ARHGAP44: variants seen among roughly 807,000 people sequenced by gnomAD.
The protein encoded by ARHGAP44 is Rho GTPase activating protein 44, also known as rho GTPase-activating protein 44.
A neutral mutation model predicts 106.8 loss-of-function variants in ARHGAP44; 43 were observed. That is an observed-to-expected ratio of 0.40 (90% CI 0.32 to 0.52). The LOEUF (loss-of-function observed/expected upper bound fraction) is 0.52, where lower values mean the gene tolerates loss of function less well. Among genes scored for constraint, ARHGAP44 ranks in the 20% least tolerant of loss-of-function variants. The pLI, the probability that ARHGAP44 is intolerant of heterozygous loss-of-function variation, is 0.48. For missense variants in ARHGAP44, 866 were observed against 1,050.5 expected (o/e 0.82, Z 2.43); for synonymous variants, 439 against 410.3 (o/e 1.07, Z -0.85).
intron 16 of ARHGAP44, among the ~76,000 whole-genome samples, chr17:12,961,975 T>A (rs1352794359): frequency 6.6e-6 from 1 of 152,108 alleles, no homozygotes; most frequent in East Asian, 1.9e-4. Flanking sequence ...CCATTTCTGA[T>A]CTTTTGAAAT....
chr17:12,894,216 G>A (rs1690090790), intron 1 of ARHGAP44, among the ~76,000 whole-genome samples: 2 of 145,514 alleles, frequency 1.4e-5, no homozygotes, highest in South Asian at 4.3e-4. Context: ...CTGTGTTTGT[G>A]TGTGTGTGTG....
chr17:12,922,693 T>C (rs973000913), intron 6 of ARHGAP44, among the ~76,000 whole-genome samples: 2 of 152,192 alleles, frequency 1.3e-5, no homozygotes, highest in South Asian at 2.1e-4. Flanking sequence ...CCTGGTCACA[T>C]TGATGGTCCG....
chr17:12,986,984 T>G, intron 20 of ARHGAP44: 2 of 935,166 alleles, frequency 2.1e-6, no homozygotes, highest in Non-Finnish European at 3.2e-6. Flanking sequence ...CCATCATGGT[T>G]TGATGTGGCC....
intron 16 of ARHGAP44, 137 bp downstream of exon 16, chr17:12,959,034 CTG>C: frequency 9.5e-7 from 1 of 1,048,980 alleles, no homozygotes; most frequent in Non-Finnish European, 1.4e-6. Flanking sequence ...AGCAATTAAA[CTG>C]TATCTGCTGT....
intron 1 of ARHGAP44, among the ~76,000 whole-genome samples, chr17:12,880,827 T>C (rs546533660): frequency 2.3e-4 from 35 of 152,286 alleles, no homozygotes; most frequent in African/African-American, 8.2e-4. Context: ...ATAATGACAT[T>C]GTTTTCTACA....
intron 3 of ARHGAP44, among the ~76,000 whole-genome samples, chr17:12,900,913 CTT>C (rs3074723): frequency 0.44 from 45,706 of 103,552 alleles, 11,062 homozygotes; most frequent in Non-Finnish European, 0.56. Flanking sequence ...GAAAGTTTGG[CTT>C]TTTTTTTTTT....
In ARHGAP44 at chr17:12,941,119, C is replaced by G; in HGVS notation, c.646C>G (p.Gln216Glu). ...AKEIDYANYF[Q>E]TLIEVQAEYH... ...AGAAATTGACTATGCAAACTACTTT[C>G]AAACGGTAAGTGCCCAGAAAGGTGA... is the stretch of plus-strand genomic sequence containing the variant. The change falls in exon 8 of 21, where the codon CAA becomes GAA. Residue 216 changes from glutamine to glutamate, a missense_variant. Coordinates refer to ENST00000379672, the MANE Select transcript of ARHGAP44 (RefSeq NM_014859.6). 6.2e-7 allele frequency: 1 copy of G among 1,613,892 alleles called. No individual in the cohort carries two copies. The highest frequency in any genetic ancestry group is 8.5e-7 in the Non-Finnish European group (1 of 1,179,806).
At chr17:12,954,923 G>A (rs2039090379) in intron 13 of ARHGAP44, among the ~76,000 whole-genome samples, 1 of 152,074 alleles carries the variant, frequency 6.6e-6, no homozygotes. Flanking sequence ...GTTTTAGTGT[G>A]TTCATATAGT....
chr17:12,987,010 T>C, intron 20 of ARHGAP44: 1 of 1,265,722 alleles, frequency 7.9e-7, no homozygotes, highest in South Asian at 1.3e-5. Context: ...GGGACTGTGA[T>C]ATTGGCATAG....
In ARHGAP44 at chr17:12,975,349, G is replaced by A. The variant is rs1296310345; in HGVS notation, c.1763+1039G>A. The stretch of plus-strand genomic sequence containing the variant: ...TTTGATGCCGCTAAAATGGGTGCAA[G>A]TCAGGGAATGAATGGAGGTGGCGGT... On this transcript the variant is annotated intron_variant, in intron 18 of 20. Coordinates refer to ENST00000379672, the MANE Select transcript of ARHGAP44 (RefSeq NM_014859.6). Among the ~76,000 whole-genome samples the A allele has an allele frequency of 3.3e-5, 5 of 152,114 alleles. No homozygotes were observed. The East Asian group carries it at 7.7e-4, about 23-fold the overall frequency.
chr17:12,973,770 G>A (rs923740921), intron 17 of ARHGAP44: 8 of 523,932 alleles, frequency 1.5e-5, no homozygotes, highest in Admixed American at 3.6e-5. Flanking sequence ...GGAGCTTGCC[G>A]GGCCATCATC....
intron 1 of ARHGAP44, among the ~76,000 whole-genome samples, chr17:12,861,926 T>TG: frequency 6.6e-6 from 1 of 152,170 alleles, no homozygotes; most frequent in Admixed American, 6.5e-5. Context: ...TAAGCCACTG[T>TG]GGCTGGCCTT....
intron 6 of ARHGAP44, among the ~76,000 whole-genome samples, chr17:12,928,480 A>T (rs990016752): frequency 1.3e-5 from 2 of 152,228 alleles, no homozygotes; most frequent in Non-Finnish European, 2.9e-5. Context: ...GAGGTGATGG[A>T]TATGTTAACT....
chr17:12,887,801 A>T (rs1249251110), intron 1 of ARHGAP44, among the ~76,000 whole-genome samples: 1 of 151,608 alleles, frequency 6.6e-6, no homozygotes, highest in Non-Finnish European at 1.5e-5. Flanking sequence ...ACAAATTCAA[A>T]TTTTTATAGC....
intron 1 of ARHGAP44, among the ~76,000 whole-genome samples, chr17:12,891,508 T>C (rs1297658933): frequency 6.6e-6 from 1 of 152,092 alleles, no homozygotes; most frequent in Non-Finnish European, 1.5e-5. Context: ...CTCATGATAA[T>C]GAACACACTC....
intron 1 of ARHGAP44, among the ~76,000 whole-genome samples, chr17:12,856,076 T>G (rs1418658203): frequency 6.6e-6 from 1 of 152,188 alleles, no homozygotes; most frequent in African/African-American, 2.4e-5. Flanking sequence ...CAATGGGAGA[T>G]AAACCACTGT....
chr17:12,926,258 G>A (rs558022282), intron 6 of ARHGAP44, among the ~76,000 whole-genome samples: 1 of 151,512 alleles, frequency 6.6e-6, no homozygotes, highest in Non-Finnish European at 1.5e-5. Flanking sequence ...CCAGCTACTC[G>A]GGAGGCTGAG....
intron 1 of ARHGAP44, among the ~76,000 whole-genome samples, chr17:12,884,700 A>T (rs1467900778): frequency 6.6e-6 from 1 of 151,606 alleles, no homozygotes; most frequent in Non-Finnish European, 1.5e-5. Context: ...AACCTTCCCC[A>T]CCCCCATCTA....
intron 1 of ARHGAP44, among the ~76,000 whole-genome samples, chr17:12,869,594 C>T (rs1322077472): frequency 6.6e-6 from 1 of 152,120 alleles, no homozygotes; most frequent in East Asian, 1.9e-4. Context: ...GTCTTTGAAG[C>T]TAAAACTGTG....
Sources: gnomAD v4.1 joint callset for allele counts (sites outside exome capture counted in the v4.1 genomes callset) on GRCh38, gnomAD v4.1.1 for gene constraint, MANE v1.5 for transcripts, NCBI Gene and HGNC (gene_info 2026-07-23, HGNC 2026-07-21) for gene names.